FKTN: variants seen among roughly 807,000 people sequenced by gnomAD.
The protein encoded by FKTN is ribitol-5-phosphate transferase FKTN.
A neutral mutation model predicts 58.6 loss-of-function variants in FKTN; 47 were observed. The ratio of observed to expected loss-of-function variants is 0.80; its 90% CI spans 0.63 to 1.02. The LOEUF is 1.02. Ranked by LOEUF, FKTN falls within the 50% of genes least tolerant of loss-of-function variation. The probability of loss-of-function intolerance (pLI) is 0.00; values close to 1 mark genes in which losing one functional copy is unlikely to be tolerated. For synonymous variants in FKTN, 178 were observed against 191.9 expected, an observed-to-expected ratio of 0.93 and a Z score of 0.60; for missense variants, 516 against 537.3, an observed-to-expected ratio of 0.96 and a Z score of 0.39.
intron 10 of FKTN, among the ~76,000 whole-genome samples, chr9:105,632,563 T>A (rs1833616589): frequency 6.6e-6 from 1 of 152,046 alleles, no homozygotes; most frequent in Non-Finnish European, 1.5e-5. Context: ...GAACTTCCTT[T>A]TCATTTAGCA....
chr9:105,593,894 G>A (rs1845355063), intron 3 of FKTN, among the ~76,000 whole-genome samples: 1 of 152,184 alleles, frequency 6.6e-6, no homozygotes, highest in Non-Finnish European at 1.5e-5. Flanking sequence ...AAAATGAAGT[G>A]AGTTCATGGG....
intron 10 of FKTN, among the ~76,000 whole-genome samples, chr9:105,628,064 C>G (rs1258835811): frequency 6.6e-6 from 1 of 152,238 alleles, no homozygotes; most frequent in Non-Finnish European, 1.5e-5. Context: ...TGAATCCTCA[C>G]TCATTGTCTC....
intron 10 of FKTN, among the ~76,000 whole-genome samples, chr9:105,632,909 A>G (rs975410668): frequency 1.3e-5 from 2 of 152,192 alleles, no homozygotes; most frequent in African/African-American, 2.4e-5. Flanking sequence ...TTAGCTTTAA[A>G]AGCCAAGGTA....
intron 10 of FKTN, chr9:105,623,356 G>A (rs533615164): frequency 6.6e-6 from 1 of 152,190 alleles, no homozygotes; most frequent in South Asian, 2.1e-4. Flanking sequence ...TTTATTTTAT[G>A]GATGAGCAAA....
In FKTN at chr9:105,640,144, C is replaced by T; in HGVS notation, c.*4880C>T. 2 of 1,535,432 alleles carry T rather than the reference C, an allele frequency of 1.3e-6. No homozygotes were observed. The highest frequency in any genetic ancestry group is 1.7e-6 in the Non-Finnish European group (2 of 1,146,752). On this transcript the variant is annotated 3_prime_UTR_variant, in exon 11 of 11. Coordinates refer to ENST00000357998, the MANE Select transcript of FKTN (RefSeq NM_001079802.2). ...CATGATGCCATTTTAAGCTGCTTCA[C>T]ATCAGACTGAAATCCTAATTACAGT...
At chr9:105,596,177 C>T (rs939284436) in intron 3 of FKTN, among the ~76,000 whole-genome samples, 3 of 152,158 alleles carry the variant, frequency 2.0e-5, no homozygotes, top group Admixed American at 6.6e-5. Context: ...GTCAAACACA[C>T]GAGCTCTTCA....
At chr9:105,587,679 A>G (rs928191402) in intron 3 of FKTN, among the ~76,000 whole-genome samples, 2 of 152,202 alleles carry the variant, frequency 1.3e-5, no homozygotes, top group Admixed American at 6.5e-5. Flanking sequence ...GAAATGTGAT[A>G]TAATTTCTTT....
At chr9:105,567,526 G>A (rs1458525287) in intron 1 of FKTN, among the ~76,000 whole-genome samples, 1 of 152,182 alleles carries the variant, frequency 6.6e-6, no homozygotes, top group Admixed American at 6.5e-5. Context: ...AATCATGAGT[G>A]AACTCCCATT....
intron 1 of FKTN, among the ~76,000 whole-genome samples, chr9:105,560,431 A>G (rs1838074233): frequency 6.6e-6 from 1 of 152,220 alleles, no homozygotes; most frequent in Admixed American, 6.5e-5. Flanking sequence ...TTTAGCAAAT[A>G]TGGCCGTTAT....
At chr9:105,626,963 G>A (rs937476354) in intron 10 of FKTN, among the ~76,000 whole-genome samples, 3 of 146,318 alleles carry the variant, frequency 2.1e-5, no homozygotes, top group Admixed American at 7.0e-5. Context: ...CTCCCAATTT[G>A]TGCCTTTCTT....
chr9:105,566,526 A>G (rs1460267587), intron 1 of FKTN, among the ~76,000 whole-genome samples: 1 of 152,224 alleles, frequency 6.6e-6, no homozygotes, highest in East Asian at 1.9e-4. Context: ...CCTCTACACA[A>G]ATAAACTAGA....
chr9:105,638,062 C>T lies in FKTN; in HGVS notation c.*2798C>T. Reference sequence around the variant, plus strand: ...TTTGAATCTTAAAAGCTAGAAAAACCATAATGTAATATTCTTTTTAAACCC... The same window carrying T: ...TTTGAATCTTAAAAGCTAGAAAAACTATAATGTAATATTCTTTTTAAACCC... On this transcript the variant is annotated 3_prime_UTR_variant, in exon 11 of 11. Transcript: ENST00000357998. 1 of 973,780 alleles carries T rather than the reference C, an allele frequency of 1.0e-6. No homozygotes were observed. Among genetic ancestry groups the T allele is most frequent in the Non-Finnish European group, 1.2e-6 (1 of 819,398 alleles). 60.3% of individuals were successfully genotyped at this position (973,780 alleles called of 1,614,324 possible). A position where few individuals can be genotyped will look rare whatever the true frequency, so the allele number is the denominator to read the frequency against.
rs778058507 is a variant in FKTN at position 105,639,237 on chromosome 9, G to A, written c.*3973G>A. ...ATTTCTCAAGAAAAATCCCAGCAAC[G>A]TTCCCTCTTTCCTCCTTGTCTTCCA... On this transcript the variant is annotated 3_prime_UTR_variant, in exon 11 of 11. Coordinates refer to ENST00000357998, the MANE Select transcript of FKTN (RefSeq NM_001079802.2). The A allele has an allele frequency of 4.1e-6, 4 of 985,254 alleles. No individual in the cohort carries two copies. The highest frequency in any genetic ancestry group is 1.1e-4 in the East Asian group (1 of 8,814). 61.0% of individuals were successfully genotyped at this position (985,254 alleles called of 1,614,324 possible).
chr9:105,615,777 A>G (rs577122093), intron 8 of FKTN, among the ~76,000 whole-genome samples: 1 of 152,324 alleles, frequency 6.6e-6, no homozygotes, highest in South Asian at 2.1e-4. Context: ...CTCTTTCCCT[A>G]TACATACATA....
intron 10 of FKTN, among the ~76,000 whole-genome samples, chr9:105,623,844 T>C (rs188996991): frequency 1.3e-5 from 2 of 152,294 alleles, no homozygotes; most frequent in African/African-American, 4.8e-5. Flanking sequence ...ATCAGCCATA[T>C]CTAGAAACAA....
At chr9:105,566,840 A>C (rs1195355639) in intron 1 of FKTN, among the ~76,000 whole-genome samples, 2 of 149,370 alleles carry the variant, frequency 1.3e-5, no homozygotes, top group East Asian at 3.8e-4. Flanking sequence ...GAGACATAAC[A>C]AAAAAAGAGA....
intron 1 of FKTN, among the ~76,000 whole-genome samples, chr9:105,572,384 CAAGGA>C (rs1840891102): frequency 6.6e-6 from 1 of 152,042 alleles, no homozygotes; most frequent in Admixed American, 6.6e-5. Context: ...CATGAAACAA[CAAGGA>C]AACTGAGAGA....
chr9:105,629,019 C>A (rs1056484088), intron 10 of FKTN, among the ~76,000 whole-genome samples: 7 of 152,112 alleles, frequency 4.6e-5, no homozygotes, highest in Non-Finnish European at 1.0e-4. Context: ...TTTATCAAAA[C>A]TCATCACTTA....
chr9:105,631,142 CA>C (rs1430600805), intron 10 of FKTN, among the ~76,000 whole-genome samples: 1 of 151,806 alleles, frequency 6.6e-6, no homozygotes, highest in Non-Finnish European at 1.5e-5. Flanking sequence ...AACAAACAAA[CA>C]AAAAAATCTG....
Sources: allele counts gnomAD v4.1 joint callset (sites outside exome capture counted in the v4.1 genomes callset), GRCh38; gene constraint gnomAD v4.1.1; transcripts MANE v1.5; gene names NCBI Gene and HGNC (gene_info 2026-07-23, HGNC 2026-07-21).